The following RSRC1 variants were observed in gnomAD, a reference collection of about 807,000 sequenced individuals.
RSRC1 encodes arginine and serine rich coiled-coil 1, also known as serine/Arginine-related protein 53.
In RSRC1, 39 loss-of-function variants were observed where a neutral mutation model predicts 49.1. That is an observed-to-expected ratio of 0.79 (90% CI 0.61 to 1.04). The LOEUF (loss-of-function observed/expected upper bound fraction) is 1.04, where lower values mean the gene tolerates loss of function less well. RSRC1 is among the 50% of genes least tolerant of loss of function. The pLI is 0.00. For missense variants in RSRC1, 388 were observed against 402.4 expected, an observed-to-expected ratio of 0.96 and a Z score of 0.31; for synonymous variants, 143 against 130.8, an observed-to-expected ratio of 1.09 and a Z score of -0.63.
At chr3:158,183,977 G>T (rs1224139761) in intron 3 of RSRC1, among the ~76,000 whole-genome samples, 1 of 151,962 alleles carries the variant, frequency 6.6e-6, no homozygotes, top group African/African-American at 2.4e-5. Flanking sequence ...GTGCTACTGG[G>T]GTGGGGTTTC....
At chr3:158,506,417 A>G (rs950793796) in intron 7 of RSRC1, among the ~76,000 whole-genome samples, 4 of 152,050 alleles carry the variant, frequency 2.6e-5, no homozygotes, top group African/African-American at 9.7e-5. Flanking sequence ...TAATAATTAT[A>G]ATAAATTTAA....
intron 4 of RSRC1, among the ~76,000 whole-genome samples, chr3:158,266,197 A>G (rs555012794): frequency 2.6e-4 from 39 of 152,026 alleles, no homozygotes; most frequent in African/African-American, 7.9e-4. Context: ...TCTGTAGTCC[A>G]TTTGTTTTCT....
intron 7 of RSRC1, among the ~76,000 whole-genome samples, chr3:158,467,385 G>T (rs1003628658): frequency 3.9e-5 from 6 of 152,148 alleles, no homozygotes; most frequent in African/African-American, 1.4e-4. Flanking sequence ...TGTGACCTTA[G>T]GTAGTCCCTT....
At chr3:158,181,074 G>A (rs780413246) in intron 3 of RSRC1, among the ~76,000 whole-genome samples, 30 of 152,144 alleles carry the variant, frequency 2.0e-4, no homozygotes, top group Non-Finnish European at 3.5e-4. Flanking sequence ...AAAGTGCTGG[G>A]ATTACAGGCG....
chr3:158,132,617 G>A (rs946091749), intron 3 of RSRC1, among the ~76,000 whole-genome samples: 1 of 152,154 alleles, frequency 6.6e-6, no homozygotes, highest in Non-Finnish European at 1.5e-5. Flanking sequence ...ATGTGACAGT[G>A]ACCACATGAT....
chr3:158,465,596 A>T (rs1013871659), intron 7 of RSRC1, among the ~76,000 whole-genome samples: 5 of 152,112 alleles, frequency 3.3e-5, no homozygotes, highest in African/African-American at 1.2e-4. Context: ...AAGTAACGTG[A>T]TTGTCCTTTC....
rs537070122 is a variant in RSRC1 at position 158,290,320 on chromosome 3, TGGAGTG to T, written c.495-7718_495-7713del. 5.7e-3 allele frequency among the ~76,000 whole-genome samples: 871 copies of T among 152,258 alleles called. 8 individuals are homozygous for T. The highest frequency in any genetic ancestry group is 0.02 in the African/African-American group (821 of 41,538). ...TGGAGTCTTGCTCTGTCTCCCAGGC[TGGAGTG>T]CAGTGGCGCGATTTCGGCTCACTGC... On this transcript the variant is annotated intron_variant, in intron 4 of 9. Transcript: ENST00000611884.
rs534008845 is a variant in RSRC1 at position 158,305,739 on chromosome 3, G to A, written c.531+7664G>A. 2.4e-4 allele frequency among the ~76,000 whole-genome samples: 37 copies of A among 152,182 alleles called. No individual in the cohort carries two copies. The South Asian group carries it at 7.0e-3, about 29-fold the overall frequency. ...TATTACCATTTGCCACTGAATAATA[G>A]CATCGGTATTTAATTTTAACATACA... On this transcript the variant is annotated intron_variant, in intron 5 of 9. Coordinates refer to ENST00000611884, the MANE Select transcript of RSRC1 (RefSeq NM_001271838.2).
intron 6 of RSRC1, among the ~76,000 whole-genome samples, chr3:158,428,647 C>T (rs997476052): frequency 1.3e-5 from 2 of 151,798 alleles, no homozygotes; most frequent in Non-Finnish European, 2.9e-5. Flanking sequence ...TAGTGGACTG[C>T]GAATTGGCAC....
chr3:158,359,646 G>A (rs1731360434), intron 6 of RSRC1, among the ~76,000 whole-genome samples: 1 of 152,132 alleles, frequency 6.6e-6, no homozygotes, highest in Non-Finnish European at 1.5e-5. Context: ...GTCCCAAGGA[G>A]GGAGCCACAG....
chr3:158,355,435 A>G (rs902979134), intron 6 of RSRC1, among the ~76,000 whole-genome samples: 5 of 151,838 alleles, frequency 3.3e-5, no homozygotes, highest in Admixed American at 6.6e-5. Context: ...TTTTTTAAAT[A>G]AGGTGTAATG....
intron 4 of RSRC1, among the ~76,000 whole-genome samples, chr3:158,246,437 C>T (rs1036514181): frequency 2.7e-5 from 4 of 150,548 alleles, no homozygotes; most frequent in African/African-American, 9.8e-5. Context: ...TAGATTTAAT[C>T]CTGTCATCAT....
At chr3:158,157,824 A>T (rs971690467) in intron 3 of RSRC1, among the ~76,000 whole-genome samples, 3 of 152,118 alleles carry the variant, frequency 2.0e-5, no homozygotes, top group Non-Finnish European at 4.4e-5. Context: ...CTGAGGCAGG[A>T]GAATAGCTTG....
At chr3:158,187,883 A>G (rs934923962) in intron 3 of RSRC1, among the ~76,000 whole-genome samples, 1 of 151,936 alleles carries the variant, frequency 6.6e-6, no homozygotes, top group Non-Finnish European at 1.5e-5. Flanking sequence ...ACTGGCCACT[A>G]TGATTTTTAT....
At chr3:158,316,292 A>G (rs889329106) in intron 5 of RSRC1, among the ~76,000 whole-genome samples, 1 of 152,184 alleles carries the variant, frequency 6.6e-6, no homozygotes, top group African/African-American at 2.4e-5. Context: ...GACCAGCAGA[A>G]TGTCAGCTTA....
intron 4 of RSRC1, among the ~76,000 whole-genome samples, chr3:158,249,742 G>A (rs561935608): frequency 2.6e-5 from 4 of 152,090 alleles, no homozygotes; most frequent in Admixed American, 2.6e-4. Context: ...GAGATATTTT[G>A]ATATAGTATA....
intron 4 of RSRC1, among the ~76,000 whole-genome samples, chr3:158,227,264 A>G (rs1229518416): frequency 1.3e-5 from 2 of 151,904 alleles, no homozygotes; most frequent in Admixed American, 6.6e-5. Context: ...ATACAAACTC[A>G]GTTACTAAAT....
At chr3:158,463,582 G>A (rs114451664) in intron 7 of RSRC1, among the ~76,000 whole-genome samples, 2,430 of 152,090 alleles carry the variant, frequency 0.016, 52 homozygotes, top group African/African-American at 0.056. Context: ...AAAGCATTGC[G>A]AAAATGTAGA....
At chr3:158,292,589 A>G (rs1727000832) in intron 4 of RSRC1, among the ~76,000 whole-genome samples, 1 of 152,192 alleles carries the variant, frequency 6.6e-6, no homozygotes, top group African/African-American at 2.4e-5. Context: ...ACAAATATTG[A>G]TGAAGTCATG....
Sources: allele counts gnomAD v4.1 joint callset (sites outside exome capture counted in the v4.1 genomes callset), GRCh38; gene constraint gnomAD v4.1.1; transcripts MANE v1.5; gene names NCBI Gene and HGNC (gene_info 2026-07-23, HGNC 2026-07-21).